Variants in GUCY1A2 observed in about 807,000 individuals in gnomAD.
GUCY1A2 encodes guanylate cyclase 1 soluble subunit alpha 2, also known as guanylate cyclase soluble subunit alpha-2.
Under a neutral mutation model 63.5 loss-of-function variants are expected in GUCY1A2, and 27 were observed. That is an observed-to-expected ratio of 0.43 (90% confidence interval 0.31 to 0.59). The LOEUF (loss-of-function observed/expected upper bound fraction) is 0.59, where lower values mean the gene tolerates loss of function less well. Ranked by LOEUF, GUCY1A2 falls within the 20% of genes least tolerant of loss-of-function variation. The probability of loss-of-function intolerance (pLI) is 0.11; values close to 1 mark genes in which losing one functional copy is unlikely to be tolerated. For missense variants in GUCY1A2, 768 were observed against 913.3 expected, an observed-to-expected ratio of 0.84 and a Z score of 2.05; for synonymous variants, 364 against 343.5, an observed-to-expected ratio of 1.06 and a Z score of -0.66.
chr11:106,977,500 C>A (rs932482696), intron 3 of GUCY1A2, among the ~76,000 whole-genome samples: 1 of 152,112 alleles, frequency 6.6e-6, no homozygotes, highest in African/African-American at 2.4e-5. Flanking sequence ...TATACATTTT[C>A]TTATTATACA....
intron 6 of GUCY1A2, among the ~76,000 whole-genome samples, chr11:106,756,685 T>C (rs1290711185): frequency 6.6e-6 from 1 of 152,242 alleles, no homozygotes; most frequent in Non-Finnish European, 1.5e-5. Context: ...CCCACTCTCT[T>C]CTGGCTTTTA....
Position 106,916,662 on chromosome 11 carries a change from A to T in GUCY1A2, c.1206+22798T>A, listed in dbSNP as rs528882890. Among the ~76,000 whole-genome samples, 63 of 145,650 alleles carry T rather than the reference A, an allele frequency of 4.3e-4. 1 individual carries two copies. Among genetic ancestry groups the T allele is most frequent in the African/African-American group, 1.5e-3 (61 of 41,104 alleles). ...ATAAAGGTAGTATACCAAAATTTAC[A>T]TCAAAGAAGAATAAGTAGCCAATTA... is the stretch of plus-strand genomic sequence containing the variant. On this transcript the variant is annotated intron_variant, in intron 4 of 7. Transcript: ENST00000526355.
chr11:106,696,514 G>T (rs1040576285), intron 7 of GUCY1A2, among the ~76,000 whole-genome samples: 11 of 152,058 alleles, frequency 7.2e-5, no homozygotes, highest in African/African-American at 2.7e-4. Flanking sequence ...AATATTAGTT[G>T]ATTTCATTAC....
chr11:106,919,319 A>G (rs988878045), intron 4 of GUCY1A2, among the ~76,000 whole-genome samples: 2 of 152,278 alleles, frequency 1.3e-5, no homozygotes, highest in South Asian at 4.1e-4. Flanking sequence ...CATGATGACT[A>G]TAGTTAACAA....
intron 4 of GUCY1A2, among the ~76,000 whole-genome samples, chr11:106,895,545 G>A (rs1860035282): frequency 6.6e-6 from 1 of 152,022 alleles, no homozygotes; most frequent in South Asian, 2.1e-4. Context: ...CTTTATAAAG[G>A]GCAGTTCCTC....
intron 4 of GUCY1A2, among the ~76,000 whole-genome samples, chr11:106,888,761 T>C (rs11211961): frequency 0.098 from 14,995 of 152,280 alleles, 792 homozygotes; most frequent in Middle Eastern, 0.13. Context: ...TCCACTGCTA[T>C]ACTTCCTTTG....
intron 6 of GUCY1A2, among the ~76,000 whole-genome samples, chr11:106,712,784 G>C (rs867522779): frequency 7.2e-5 from 11 of 152,216 alleles, no homozygotes; most frequent in Admixed American, 3.9e-4. Context: ...CTTGATTTAT[G>C]AGGTTTTCCA....
At chr11:106,964,124 C>T (rs79605063) in intron 3 of GUCY1A2, among the ~76,000 whole-genome samples, 1 of 151,974 alleles carries the variant, frequency 6.6e-6, no homozygotes, top group Non-Finnish European at 1.5e-5. Context: ...ATCCCTAATA[C>T]TTCCTTGTAT....
chr11:106,895,134 A>G (rs185376755), intron 4 of GUCY1A2, among the ~76,000 whole-genome samples: 120 of 152,320 alleles, frequency 7.9e-4, no homozygotes, highest in Admixed American at 1.3e-3. Context: ...CACAAATTTG[A>G]TAACCTAGAT....
chr11:106,761,232 A>G (rs1054139854), intron 6 of GUCY1A2, among the ~76,000 whole-genome samples: 1 of 152,192 alleles, frequency 6.6e-6, no homozygotes. Context: ...TCTTTTTATC[A>G]TGTATGAAAT....
At chr11:106,730,114 C>CTGTT (rs1863477396) in intron 6 of GUCY1A2, among the ~76,000 whole-genome samples, 1 of 123,552 alleles carries the variant, frequency 8.1e-6, no homozygotes, top group Non-Finnish European at 1.7e-5. Flanking sequence ...ATAATATATA[C>CTGTT]TGTTTTTAAA....
intron 4 of GUCY1A2, among the ~76,000 whole-genome samples, chr11:106,925,173 C>T (rs1023022748): frequency 6.6e-6 from 1 of 151,228 alleles, no homozygotes; most frequent in South Asian, 2.1e-4. Flanking sequence ...GAGAGAGAGA[C>T]AGAGAGAAAG....
chr11:106,862,737 T>C (rs368259833), intron 4 of GUCY1A2, among the ~76,000 whole-genome samples: 1 of 152,000 alleles, frequency 6.6e-6, no homozygotes, highest in Admixed American at 6.6e-5. Context: ...TCTCTGCAAA[T>C]TGAATTTAAG....
At chr11:106,790,838 G>T (rs1302110772) in intron 5 of GUCY1A2, among the ~76,000 whole-genome samples, 2 of 152,178 alleles carry the variant, frequency 1.3e-5, no homozygotes, top group South Asian at 2.1e-4. Context: ...TCCTACTGTG[G>T]CTGAGCTGGT....
chr11:106,767,944 T>C (rs147364250), intron 6 of GUCY1A2, among the ~76,000 whole-genome samples: 10 of 152,220 alleles, frequency 6.6e-5, no homozygotes, highest in Middle Eastern at 3.4e-3. Flanking sequence ...GACTACCCTA[T>C]GAAATAATGT....
intron 4 of GUCY1A2, among the ~76,000 whole-genome samples, chr11:106,840,295 C>G (rs1859178722): frequency 6.6e-6 from 1 of 151,882 alleles, no homozygotes; most frequent in Non-Finnish European, 1.5e-5. Flanking sequence ...AAAATAATAA[C>G]ATGGAGAAAC....
chr11:106,787,927 T>C (rs1478092578), intron 5 of GUCY1A2, among the ~76,000 whole-genome samples: 1 of 152,132 alleles, frequency 6.6e-6, no homozygotes, highest in Non-Finnish European at 1.5e-5. Context: ...GGTTGTATGG[T>C]AGCTCTATTT....
chr11:106,739,997 C>CTTTT (rs35005245), intron 6 of GUCY1A2, among the ~76,000 whole-genome samples: 4 of 129,892 alleles, frequency 3.1e-5, no homozygotes, highest in Admixed American at 1.6e-4. Flanking sequence ...TTGAGAGGCA[C>CTTTT]TTTTTTTTTT....
chr11:106,987,908 C>T (rs1861422546), intron 1 of GUCY1A2, among the ~76,000 whole-genome samples: 1 of 152,138 alleles, frequency 6.6e-6, no homozygotes. Context: ...AAATCTAAGG[C>T]CTCAGATACC....
Sources: allele counts gnomAD v4.1 joint callset (sites outside exome capture counted in the v4.1 genomes callset), GRCh38; gene constraint gnomAD v4.1.1; transcripts MANE v1.5; gene names NCBI Gene and HGNC (gene_info 2026-07-23, HGNC 2026-07-21).